INPP4A: variants seen among roughly 807,000 people sequenced by gnomAD.
INPP4A encodes the protein inositol polyphosphate-4-phosphatase, type I, 107kD.
In INPP4A, 33 loss-of-function variants were observed where a neutral mutation model predicts 119.8. The ratio of observed to expected loss-of-function variants is 0.28; its 90% CI spans 0.21 to 0.37. The LOEUF (loss-of-function observed/expected upper bound fraction) is 0.37, where lower values mean the gene tolerates loss of function less well. Among genes scored for constraint, INPP4A ranks in the 10% least tolerant of loss-of-function variants. INPP4A has a pLI of 1.00. For missense variants in INPP4A, 956 were observed against 1,289.9 expected (o/e 0.74, Z 3.97); for synonymous variants, 496 against 500.7 (o/e 0.99, Z 0.12).
intron 13 of INPP4A, among the ~76,000 whole-genome samples, chr2:98,551,617 C>T (rs1006485684): frequency 6.6e-6 from 1 of 152,182 alleles, no homozygotes; most frequent in African/African-American, 2.4e-5. Context: ...CAGCCCTGAC[C>T]AAGGTGACTG....
At chr2:98,493,890 G>A (rs1419482692) in intron 1 of INPP4A, among the ~76,000 whole-genome samples, 1 of 152,138 alleles carries the variant, frequency 6.6e-6, no homozygotes, top group Non-Finnish European at 1.5e-5. Flanking sequence ...CTGGAATGGT[G>A]GTGTTAGGGG....
chr2:98,461,360 A>C (rs1697120587), intron 1 of INPP4A, among the ~76,000 whole-genome samples: 1 of 152,244 alleles, frequency 6.6e-6, no homozygotes, highest in South Asian at 2.1e-4. Context: ...AGGCCGTGGC[A>C]GTCACTGCCA....
intron 1 of INPP4A, among the ~76,000 whole-genome samples, chr2:98,487,731 GGTTTTATAAAAAGCAGAAAT>G (rs1679849734): frequency 6.6e-6 from 1 of 152,178 alleles, no homozygotes; most frequent in African/African-American, 2.4e-5. Flanking sequence ...GAAGGTTGGA[GGTTTTATAAAAAGCAGAAAT>G]GTTACCCATT....
intron 4 of INPP4A, among the ~76,000 whole-genome samples, chr2:98,532,362 A>G (rs772424681): frequency 3.3e-5 from 5 of 150,908 alleles, no homozygotes; most frequent in Admixed American, 6.6e-5. Context: ...ACACAATAAC[A>G]TATTTTTAAA....
rs1051300353 is a variant in INPP4A, at chr2:98,565,860, T to A, written c.2279+94T>A. The A allele has an allele frequency of 4.5e-6, 7 of 1,553,124 alleles. No homozygotes were observed. The African/African-American group carries it at 8.3e-5, about 18-fold the overall frequency. On this transcript the variant is annotated intron_variant, in intron 20 of 24. Transcript: ENST00000409851. The stretch of plus-strand genomic sequence containing the variant: ...ACTCTTCTGAATTTTTTATCCTATT[T>A]CATTTTGTTAAATGCTCTGATTACA...
At chr2:98,553,907 C>T (rs1694000533) in intron 14 of INPP4A, among the ~76,000 whole-genome samples, 1 of 152,224 alleles carries the variant, frequency 6.6e-6, no homozygotes, top group African/African-American at 2.4e-5. Flanking sequence ...GGCCTGACCC[C>T]TGGACACTTG....
At position 98,555,917 on chromosome 2, in the gene INPP4A, G is replaced by A. The variant is rs1447812003; in HGVS notation, c.1822+109G>A. On this transcript the variant is annotated intron_variant, in intron 16 of 24. Coordinates refer to ENST00000409851, the MANE Select transcript of INPP4A (RefSeq NM_001134225.2). ...CCTCCTCCCCCATGCAGACTGCAGGGAGGGCTGCCAGGTGGAGCGGGGGCG... is the reference window on the plus strand; with the variant it reads ...CCTCCTCCCCCATGCAGACTGCAGGAAGGGCTGCCAGGTGGAGCGGGGGCG... The A allele has an allele frequency of 2.9e-6, 4 of 1,356,058 alleles. No individual in the cohort carries two copies. The East Asian group carries it at 1.0e-4, about 34-fold the overall frequency. 84.0% of individuals were successfully genotyped at this position (1,356,058 alleles called of 1,614,324 possible).
At chr2:98,513,417 C>A (rs559306638) in intron 1 of INPP4A, among the ~76,000 whole-genome samples, 7 of 152,364 alleles carry the variant, frequency 4.6e-5, no homozygotes, top group African/African-American at 1.7e-4. Flanking sequence ...AAAGTTGATT[C>A]ATAGCACTTA....
chr2:98,475,119 A>G (rs1402816952), intron 1 of INPP4A, among the ~76,000 whole-genome samples: 2 of 152,094 alleles, frequency 1.3e-5, no homozygotes, highest in Admixed American at 6.5e-5. Context: ...CATGAGTACA[A>G]ATTGTCAAGC....
intron 1 of INPP4A, among the ~76,000 whole-genome samples, chr2:98,473,301 G>A (rs1272139710): frequency 1.4e-5 from 2 of 146,116 alleles, no homozygotes; most frequent in East Asian, 2.2e-4. Context: ...GAGTGTGGCG[G>A]GTAGTGCGGG....
At chr2:98,559,114 A>G (rs1216975460) in intron 16 of INPP4A, among the ~76,000 whole-genome samples, 3 of 152,244 alleles carry the variant, frequency 2.0e-5, no homozygotes, top group Admixed American at 2.0e-4. Context: ...GGGCTCTGCC[A>G]CTACAATGTG....
In INPP4A at chr2:98,588,711, T is replaced by G. The variant is rs1700164078; in HGVS notation, c.*1103T>G. On this transcript the variant is annotated 3_prime_UTR_variant, in exon 25 of 25. Transcript: ENST00000409851. ...TTTATGGGCCATAAAACTTAGGAAT[T>G]TCATAGAAAATTTTGTCTGGTCATC... The G allele has an allele frequency of 4.5e-6, 1 of 222,080 alleles. No individual in the cohort carries two copies. Among genetic ancestry groups the G allele is most frequent in the South Asian group, 1.8e-4 (1 of 5,464 alleles). 13.8% of individuals were successfully genotyped at this position (222,080 alleles called of 1,614,324 possible). A position where few individuals can be genotyped will look rare whatever the true frequency, so the allele number is the denominator to read the frequency against.
intron 19 of INPP4A, 25 bp downstream of exon 19, chr2:98,564,788 G>A: frequency 6.4e-7 from 1 of 1,558,928 alleles, no homozygotes; most frequent in Non-Finnish European, 8.7e-7. Context: ...CCAGGATCGG[G>A]AGCCCCACTT....
chr2:98,545,870 T>A, intron 11 of INPP4A, 99 bp from the exon 12 acceptor site: 1 of 801,594 alleles, frequency 1.2e-6, no homozygotes, highest in Non-Finnish European at 2.0e-6. Flanking sequence ...CATACCTGCT[T>A]ATATGCCACA....
At chr2:98,580,293 C>G (rs961390869) in intron 24 of INPP4A, among the ~76,000 whole-genome samples, 3 of 152,208 alleles carry the variant, frequency 2.0e-5, no homozygotes, top group African/African-American at 7.2e-5. Flanking sequence ...AGGCTTTTCT[C>G]CTGGAGGCCC....
chr2:98,458,100 T>C (rs1164018874), intron 1 of INPP4A, among the ~76,000 whole-genome samples: 1 of 151,726 alleles, frequency 6.6e-6, no homozygotes, highest in Non-Finnish European at 1.5e-5. Flanking sequence ...ATTGCAAGCA[T>C]GAGCCATCAC....
chr2:98,583,191 A>G (rs1699575403), intron 24 of INPP4A, among the ~76,000 whole-genome samples: 1 of 152,190 alleles, frequency 6.6e-6, no homozygotes, highest in Non-Finnish European at 1.5e-5. Flanking sequence ...TTAAAGTTAT[A>G]TACTTTTATT....
At chr2:98,538,060 G>C (rs1690663794) in intron 8 of INPP4A, 86 bp downstream of exon 8, 1 of 895,472 alleles carries the variant, frequency 1.1e-6, no homozygotes, top group South Asian at 1.6e-5. Flanking sequence ...CTTAGCCTCT[G>C]TGCTCAGCAA....
intron 23 of INPP4A, among the ~76,000 whole-genome samples, chr2:98,576,348 T>TGAG (rs1698412737): frequency 6.6e-6 from 1 of 152,122 alleles, no homozygotes; most frequent in Non-Finnish European, 1.5e-5. Context: ...CCCTACTCTG[T>TGAG]GAGCCATTCA....
Sources: allele counts gnomAD v4.1 joint callset (sites outside exome capture counted in the v4.1 genomes callset), GRCh38; gene constraint gnomAD v4.1.1; transcripts MANE v1.5; gene names NCBI Gene and HGNC (gene_info 2026-07-23, HGNC 2026-07-21).